Variants in SUPT3H observed in about 807,000 individuals in gnomAD.
SUPT3H encodes the protein transcription initiation protein SPT3 homolog.
Under a neutral mutation model 44.3 loss-of-function variants are expected in SUPT3H, and 44 were observed. That is an observed-to-expected ratio of 0.99 (90% CI 0.78 to 1.28). SUPT3H has a LOEUF of 1.28. SUPT3H is among the 50% of genes most tolerant of loss of function. The probability of loss-of-function intolerance (pLI) is 0.00; values close to 1 mark genes in which losing one functional copy is unlikely to be tolerated. For synonymous variants in SUPT3H, 124 were observed against 125.6 expected (o/e 0.99, Z 0.09); for missense variants, 380 against 387.1 (o/e 0.98, Z 0.15).
Position 45,313,656 on chromosome 6 carries a change from T to A in SUPT3H, c.101+51545A>T, listed in dbSNP as rs200322694. On this transcript the variant is annotated intron_variant, in intron 2 of 10. Transcript: ENST00000371459. ...GATTGAAATGGTAATTTAAAAATTA[T>A]AAAAAAAAAAAAAAGTCCACGACCA... is the stretch of plus-strand genomic sequence containing the variant. 7.0e-4 allele frequency among the ~76,000 whole-genome samples: 101 copies of A among 144,644 alleles called. 1 individual carries two copies. The highest frequency in any genetic ancestry group is 1.5e-3 in the Admixed American group (22 of 14,604). The allele number at this position is 144,644 out of a possible 152,430, so 94.9% of individuals were successfully genotyped here.
Position 44,954,630 on chromosome 6 carries a change from T to A in SUPT3H, c.581-23A>T. 3 of 1,468,438 alleles carry A rather than the reference T, an allele frequency of 2.0e-6. No individual in the cohort carries two copies. In the Middle Eastern group the frequency reaches 5.2e-4, roughly 255 times the overall value. 91.0% of individuals were successfully genotyped at this position (1,468,438 alleles called of 1,614,324 possible). On this transcript the variant is annotated intron_variant, in intron 7 of 10. Coordinates refer to ENST00000371459, the MANE Select transcript of SUPT3H (RefSeq NM_003599.4). ...TGGCTGGCCATTTAAAAAAAACAAG[T>A]GCAGAAATTTTAATTTTTAAAGTGT... is the stretch of plus-strand genomic sequence containing the variant.
intron 10 of SUPT3H, among the ~76,000 whole-genome samples, chr6:44,861,274 C>T (rs1774613502): frequency 6.6e-6 from 1 of 152,022 alleles, no homozygotes; most frequent in Non-Finnish European, 1.5e-5. Flanking sequence ...TGGGGTCTTC[C>T]TATGTTGCCC....
At chr6:45,069,815 T>C (rs1398644422) in intron 3 of SUPT3H, among the ~76,000 whole-genome samples, 2 of 152,040 alleles carry the variant, frequency 1.3e-5, no homozygotes, top group African/African-American at 4.8e-5. Context: ...ATTTGAATGG[T>C]AATATTTAAT....
At chr6:45,163,089 T>C (rs1809298389) in intron 2 of SUPT3H, among the ~76,000 whole-genome samples, 1 of 152,178 alleles carries the variant, frequency 6.6e-6, no homozygotes, top group African/African-American at 2.4e-5. Flanking sequence ...GGAGATTACA[T>C]ATCTAAAACA....
At chr6:44,813,784 T>C (rs1581798485) in intron 11 of SUPT3H, among the ~76,000 whole-genome samples, 2 of 151,524 alleles carry the variant, frequency 1.3e-5, no homozygotes, top group East Asian at 1.9e-4. Flanking sequence ...GATAGGTCAG[T>C]AGAAAATATT....
At chr6:45,166,163 C>A (rs2153603644) in intron 2 of SUPT3H, among the ~76,000 whole-genome samples, 1 of 152,220 alleles carries the variant, frequency 6.6e-6, no homozygotes, top group Admixed American at 6.5e-5. Flanking sequence ...GGTGGTGGCA[C>A]ACGCTTGTGG....
chr6:45,279,260 T>C (rs149858804), intron 2 of SUPT3H, among the ~76,000 whole-genome samples: 8 of 152,254 alleles, frequency 5.3e-5, no homozygotes, highest in East Asian at 1.9e-4. Flanking sequence ...CTGTAGAAAA[T>C]ATTTAGGGAC....
At chr6:45,128,522 AAAAAAAAAAAAATAT>A (rs1802805260) in intron 2 of SUPT3H, among the ~76,000 whole-genome samples, 1 of 59,940 alleles carries the variant, frequency 1.7e-5, no homozygotes. Context: ...AAAAAAAAAA[AAAAAAAAAAAAATAT>A]ATATATATAT....
At chr6:44,910,994 CAAAAAAAA>C (rs34384511) in intron 10 of SUPT3H, among the ~76,000 whole-genome samples, 1 of 62,696 alleles carries the variant, frequency 1.6e-5, no homozygotes, top group South Asian at 9.0e-4. Flanking sequence ...GACTCCATCT[CAAAAAAAA>C]AAAAAAAAAA....
rs78581059 is a variant in SUPT3H, at chr6:45,049,832, C to A, written c.187-29200G>T. ...TTGATAATATACTCTTAAAGCAGCC[C>A]CTTACAATTAAAATACAGATCAATT... is the stretch of plus-strand genomic sequence containing the variant. On this transcript the variant is annotated intron_variant, in intron 3 of 10. Transcript: ENST00000371459. Among the ~76,000 whole-genome samples the A allele has an allele frequency of 2.7e-3, 416 of 152,026 alleles. 17 individuals are homozygous for A. The East Asian group carries it at 0.071, about 26-fold the overall frequency.
At chr6:45,232,836 G>A (rs999857601) in intron 2 of SUPT3H, among the ~76,000 whole-genome samples, 1 of 152,132 alleles carries the variant, frequency 6.6e-6, no homozygotes, top group Non-Finnish European at 1.5e-5. Flanking sequence ...CTGCCAGTGA[G>A]GGTGCCGTCA....
At chr6:45,174,672 C>T (rs1261083923) in intron 2 of SUPT3H, among the ~76,000 whole-genome samples, 1 of 152,156 alleles carries the variant, frequency 6.6e-6, no homozygotes, top group Non-Finnish European at 1.5e-5. Context: ...TAGTAACATG[C>T]TCTATTTTAG....
chr6:44,857,094 T>C (rs1260716206), intron 10 of SUPT3H, among the ~76,000 whole-genome samples: 1 of 151,952 alleles, frequency 6.6e-6, no homozygotes, highest in African/African-American at 2.4e-5. Flanking sequence ...AATCCCTTTA[T>C]TAAAAATTCA....
intron 5 of SUPT3H, among the ~76,000 whole-genome samples, chr6:45,010,178 T>C (rs1378109470): frequency 6.6e-6 from 1 of 152,156 alleles, no homozygotes; most frequent in Non-Finnish European, 1.5e-5. Flanking sequence ...TTTTTGCATA[T>C]TTCTCTTATA....
chr6:45,301,105 C>T (rs753055350), intron 2 of SUPT3H, among the ~76,000 whole-genome samples: 1 of 152,160 alleles, frequency 6.6e-6, no homozygotes, highest in Non-Finnish European at 1.5e-5. Context: ...TCTGGGCAGG[C>T]AGGTCCTGGC....
intron 2 of SUPT3H, among the ~76,000 whole-genome samples, chr6:45,156,998 T>A (rs1394222263): frequency 1.3e-5 from 2 of 152,124 alleles, no homozygotes; most frequent in African/African-American, 4.8e-5. Context: ...TCTGTTGATT[T>A]GATCAGAGAA....
intron 10 of SUPT3H, among the ~76,000 whole-genome samples, chr6:44,839,432 A>T (rs1296309484): frequency 6.6e-6 from 1 of 151,906 alleles, no homozygotes; most frequent in Non-Finnish European, 1.5e-5. Flanking sequence ...CAGCCTCCTG[A>T]GTAGCTGGGA....
intron 2 of SUPT3H, among the ~76,000 whole-genome samples, chr6:45,189,043 C>T (rs1302134956): frequency 2.0e-5 from 3 of 152,008 alleles, no homozygotes; most frequent in Non-Finnish European, 4.4e-5. Context: ...CTCAAGTGAA[C>T]CTCCTGCATT....
At chr6:45,127,010 T>G (rs1327193253) in intron 2 of SUPT3H, among the ~76,000 whole-genome samples, 2 of 152,108 alleles carry the variant, frequency 1.3e-5, no homozygotes, top group Non-Finnish European at 2.9e-5. Flanking sequence ...AAACCAATAT[T>G]ATTAATAATA....
Sources: allele counts gnomAD v4.1 joint callset (sites outside exome capture counted in the v4.1 genomes callset), GRCh38; gene constraint gnomAD v4.1.1; transcripts MANE v1.5; gene names NCBI Gene and HGNC (gene_info 2026-07-23, HGNC 2026-07-21).